Variants in LAS1L observed in about 807,000 individuals in gnomAD.
The protein encoded by LAS1L is ribosomal biogenesis protein LAS1L.
A neutral mutation model predicts 57.3 loss-of-function variants in LAS1L; 5 were observed. The observed-to-expected ratio is 0.09, with a 90% CI of 0.05 to 0.18. LAS1L has a LOEUF of 0.18. LAS1L is among the 10% of genes least tolerant of loss of function. LAS1L has a pLI of 1.00. For missense variants in LAS1L, 360 were observed against 568.3 expected (o/e 0.63, Z 3.73); for synonymous variants, 245 against 231.7 (o/e 1.06, Z -0.52).
chrX:65,515,049 G>T, intron 12 of LAS1L, 76 bp from the exon 13 acceptor site: 1 of 1,011,726 alleles, frequency 9.9e-7, no homozygotes, highest in Non-Finnish European at 1.3e-6. Flanking sequence ...TGCTCACCCT[G>T]TCCATCCACC....
chrX:65,517,961 C>A, intron 12 of LAS1L, 26 bp downstream of exon 12: 1 of 1,161,937 alleles, frequency 8.6e-7, no homozygotes, highest in South Asian at 2.1e-5. Context: ...GAAAAGAAGT[C>A]CATGTGGGGA....
chrX:65,529,117 C>A (rs2069332704), intron 6 of LAS1L, 95 bp downstream of exon 6: 6 of 752,323 alleles, frequency 8.0e-6, no homozygotes, highest in Non-Finnish European at 1.2e-5. Context: ...ACTTTTCTTT[C>A]AAATTCCTTC....
chrX:65,512,972 A>C, intron 13 of LAS1L, 71 bp from the exon 14 acceptor site: 1 of 1,019,340 alleles, frequency 9.8e-7, no homozygotes, highest in South Asian at 2.5e-5. Flanking sequence ...AGAGTGCTTG[A>C]CATGTGTGTA....
chrX:65,518,869 C>G (rs909918621), intron 11 of LAS1L: 1 of 752,665 alleles, frequency 1.3e-6, no homozygotes, highest in African/African-American at 2.3e-5. Flanking sequence ...TGAACAGATC[C>G]CTCTCTTCTC....
intron 11 of LAS1L, among the ~76,000 whole-genome samples, chrX:65,519,648 C>T (rs185810690): frequency 0.016 from 1,774 of 111,583 alleles, 48 homozygotes; most frequent in African/African-American, 0.055. Context: ...AAGGGGAGCT[C>T]GAGGGGAGAG....
chrX:65,516,401 CCT>C (rs774541971), intron 12 of LAS1L, among the ~76,000 whole-genome samples: 10 of 111,099 alleles, frequency 9.0e-5, no homozygotes, highest in Non-Finnish European at 1.9e-4. Context: ...AGCCTGATAC[CCT>C]TGTACATGTC....
chrX:65,514,518 ATG>A (rs1341697871), intron 13 of LAS1L, among the ~76,000 whole-genome samples: 1 of 75,774 alleles, frequency 1.3e-5, no homozygotes, highest in Non-Finnish European at 2.5e-5. Flanking sequence ...TCCTCCCAAA[ATG>A]TGTGTGTGTG....
chrX:65,530,908 G>A (rs1449899497), intron 4 of LAS1L, among the ~76,000 whole-genome samples: 1 of 109,194 alleles, frequency 9.2e-6, no homozygotes. Flanking sequence ...ACTTGAACTC[G>A]AGAGGTGGAG....
intron 13 of LAS1L, among the ~76,000 whole-genome samples, chrX:65,514,588 T>G (rs771447219): frequency 1.9e-5 from 2 of 104,124 alleles, no homozygotes; most frequent in Admixed American, 2.0e-4. Flanking sequence ...AAGCACAAAC[T>G]GAATGCAATC....
intron 3 of LAS1L, among the ~76,000 whole-genome samples, chrX:65,532,003 T>C (rs1024577913): frequency 5.4e-5 from 6 of 112,126 alleles, no homozygotes; most frequent in African/African-American, 1.6e-4. Flanking sequence ...AAGAAATACC[T>C]GTGAATGAGC....
At chrX:65,514,748 C>T (rs936630873) in intron 13 of LAS1L, 75 bp downstream of exon 13, 12 of 1,025,260 alleles carry the variant, frequency 1.2e-5, no homozygotes, top group African/African-American at 1.9e-5. Context: ...CCCCCACCCA[C>T]CTCACCTTGT....
intron 6 of LAS1L, among the ~76,000 whole-genome samples, chrX:65,528,593 T>C (rs550343067): frequency 8.9e-6 from 1 of 112,647 alleles, no homozygotes; most frequent in East Asian, 2.8e-4. Context: ...CTCCTCCAAC[T>C]GAATTTCCTG....
intron 2 of LAS1L, among the ~76,000 whole-genome samples, chrX:65,532,867 G>A (rs1019231355): frequency 7.2e-5 from 8 of 111,576 alleles, no homozygotes; most frequent in African/African-American, 1.3e-4. Context: ...TGAACAGTTC[G>A]GTCTAGGATA....
chrX:65,512,638 T>C lies in LAS1L; in HGVS notation c.*137A>G. The C allele has an allele frequency of 1.4e-6, 1 of 696,289 alleles. No individual in the cohort carries two copies. The allele number at this position is 696,289 out of a possible 1,213,427, so 57.4% of individuals were successfully genotyped here. ...AAACAAAAACAAAAGACATTCAAAA[T>C]TCCCCTGTGGTGGACAACTGAGTTG... On this transcript the variant is annotated 3_prime_UTR_variant, in exon 14 of 14. Coordinates refer to ENST00000374811, the MANE Select transcript of LAS1L (RefSeq NM_031206.7).
intron 7 of LAS1L, among the ~76,000 whole-genome samples, chrX:65,528,025 G>T: frequency 9.0e-6 from 1 of 111,375 alleles, no homozygotes; most frequent in African/African-American, 3.3e-5. Context: ...GCAGATGGAT[G>T]ATAGTGGGCA....
chrX:65,520,818 C>G, intron 11 of LAS1L: 1 of 754,584 alleles, frequency 1.3e-6, no homozygotes, highest in Non-Finnish European at 1.6e-6. Context: ...TCTGCAGGCA[C>G]TTAGGATTGG....
rs754551749 is a variant in LAS1L at position 65,532,640 on chromosome X, A to C, written c.363-10T>G. 56 of 1,169,545 alleles carry C rather than the reference A, an allele frequency of 4.8e-5. No homozygotes were observed. Among genetic ancestry groups the C allele is most frequent in the Non-Finnish European group, 6.5e-5 (56 of 856,777 alleles). On this transcript the variant is annotated splice_polypyrimidine_tract_variant and intron_variant, in intron 2 of 13. Transcript: ENST00000374811. ...GATAAGATTCACAAACCTGGAGTTG[A>C]GGGAGAAATAAGTGGCACAGCCCAA...
intron 13 of LAS1L, among the ~76,000 whole-genome samples, chrX:65,514,038 T>C (rs2068535225): frequency 8.9e-6 from 1 of 112,148 alleles, no homozygotes; most frequent in South Asian, 3.7e-4. Flanking sequence ...AATGCCCAGA[T>C]GAAGAGGGGT....
intron 4 of LAS1L, 58 bp downstream of exon 4, chrX:65,531,299 G>T: frequency 1.1e-6 from 1 of 901,246 alleles, no homozygotes; most frequent in Non-Finnish European, 1.6e-6. Flanking sequence ...TACCCTCAGC[G>T]CCACCAAGCC....
Sources: allele counts gnomAD v4.1 joint callset (sites outside exome capture counted in the v4.1 genomes callset), GRCh38; gene constraint gnomAD v4.1.1; transcripts MANE v1.5; gene names NCBI Gene and HGNC (gene_info 2026-07-23, HGNC 2026-07-21).